Variants in PKHD1 observed in about 807,000 individuals in gnomAD.
PKHD1 encodes the protein fibrocystin.
In PKHD1, 291 loss-of-function variants were observed where a neutral mutation model predicts 412.0. The ratio of observed to expected loss-of-function variants is 0.71; its 90% CI spans 0.64 to 0.78. PKHD1 has a LOEUF of 0.78. Ranked by LOEUF, PKHD1 falls within the 30% of genes least tolerant of loss-of-function variation. The pLI is 0.00. For synonymous variants in PKHD1, 1,777 were observed against 1,821.5 expected (o/e 0.98, Z 0.62); for missense variants, 4,825 against 4,950.7 (o/e 0.97, Z 0.76).
Position 52,025,231 on chromosome 6 carries a change from T to C in PKHD1, c.4579A>G (p.Asn1527Asp). ...TGGCTTGCATTAAAAAAAGTTACAT[T>C]GCAAGGAAGTTGATCATCCACAAAT... Reference protein sequence around the residue: ...MVFVDDQLPCNVTFFNASHVV... With the variant: ...MVFVDDQLPCDVTFFNASHVV... Residue 1527 changes from asparagine to aspartate, a missense_variant, in exon 32 of 67, where the codon AAT becomes GAT. By Grantham distance (23) the Asn-to-Asp change is conservative. Coordinates refer to ENST00000371117, the MANE Select transcript of PKHD1 (RefSeq NM_138694.4). 1 of 1,614,136 alleles carries C rather than the reference T, an allele frequency of 6.2e-7. No homozygotes were observed. The highest frequency in any genetic ancestry group is 1.1e-5 in the South Asian group (1 of 91,082).
At chr6:51,790,723 T>A (rs902377932) in intron 53 of PKHD1, among the ~76,000 whole-genome samples, 3 of 152,200 alleles carry the variant, frequency 2.0e-5, no homozygotes, top group Non-Finnish European at 4.4e-5. Flanking sequence ...CCTTTCCTCC[T>A]CACTTTTCTT....
intron 60 of PKHD1, among the ~76,000 whole-genome samples, chr6:51,688,213 A>G (rs534999445): frequency 5.9e-5 from 9 of 152,350 alleles, no homozygotes; most frequent in Non-Finnish European, 1.3e-4. Context: ...CACAGAATGA[A>G]TCAGTACTTG....
chr6:51,900,587 T>A (rs568374321), intron 43 of PKHD1, among the ~76,000 whole-genome samples: 1 of 152,050 alleles, frequency 6.6e-6, no homozygotes, highest in Non-Finnish European at 1.5e-5. Context: ...AACCTAGGCA[T>A]TACCATTCAG....
intron 36 of PKHD1, among the ~76,000 whole-genome samples, chr6:51,936,549 GA>G (rs1426110600): frequency 2.0e-5 from 3 of 151,852 alleles, no homozygotes; most frequent in Non-Finnish European, 4.4e-5. Flanking sequence ...AGGGAGAGAG[GA>G]AAAAGGCAAA....
intron 52 of PKHD1, among the ~76,000 whole-genome samples, chr6:51,796,089 C>A (rs1235222249): frequency 6.6e-6 from 1 of 152,152 alleles, no homozygotes; most frequent in African/African-American, 2.4e-5. Flanking sequence ...ATAGTACCAG[C>A]TCTTCCTTGT....
chr6:51,856,667 T>A (rs1434692167), intron 48 of PKHD1, among the ~76,000 whole-genome samples: 1 of 152,222 alleles, frequency 6.6e-6, no homozygotes, highest in African/African-American at 2.4e-5. Flanking sequence ...GGCTTCAGCA[T>A]CCTTCTCTAG....
intron 60 of PKHD1, among the ~76,000 whole-genome samples, chr6:51,734,754 G>C (rs1440947679): frequency 6.6e-6 from 1 of 152,056 alleles, no homozygotes. Flanking sequence ...AGTTTCACTT[G>C]ATTTTGATTT....
intron 36 of PKHD1, among the ~76,000 whole-genome samples, chr6:51,936,871 T>G (rs1175501361): frequency 2.0e-5 from 3 of 152,168 alleles, no homozygotes; most frequent in Admixed American, 6.5e-5. Context: ...TGAAAGAAAC[T>G]GAAGTATTTT....
At chr6:51,810,791 C>G (rs1172603583) in intron 52 of PKHD1, among the ~76,000 whole-genome samples, 1 of 152,108 alleles carries the variant, frequency 6.6e-6, no homozygotes, top group Non-Finnish European at 1.5e-5. Context: ...GACAATAAAA[C>G]TTATTTAGTC....
rs2150329651 is a variant in PKHD1, at chr6:51,638,958, T to C, written c.11399-2A>G. 6.3e-7 allele frequency: 1 copy of C among 1,588,886 alleles called. No homozygotes were observed. Among genetic ancestry groups the C allele is most frequent in the Admixed American group, 1.7e-5 (1 of 59,952 alleles). On this transcript the variant is annotated splice_acceptor_variant, in intron 63 of 66. Transcript: ENST00000371117. LOFTEE classifies it high-confidence loss of function. ...CTTGAGTTTCTGCCTGGGTGCACCC[T>C]ACAAAAAAGTACAAAACAAAAATTA...
intron 61 of PKHD1, among the ~76,000 whole-genome samples, chr6:51,654,922 G>A (rs2150391982): frequency 6.6e-6 from 1 of 152,146 alleles, no homozygotes; most frequent in Non-Finnish European, 1.5e-5. Flanking sequence ...TAACGATTAA[G>A]AGTTGAAGAC....
chr6:52,071,198 G>A (rs1582095736), intron 8 of PKHD1, 128 bp from the exon 9 acceptor site: 1 of 729,606 alleles, frequency 1.4e-6, no homozygotes, highest in South Asian at 1.5e-5. Flanking sequence ...GACAGAGAAA[G>A]TATAATGAGT....
chr6:51,903,431 A>G (rs1350625618), intron 43 of PKHD1, among the ~76,000 whole-genome samples, 166 bp downstream of exon 43: 1 of 152,088 alleles, frequency 6.6e-6, no homozygotes, highest in Non-Finnish European at 1.5e-5. Context: ...TTTTCAGCTC[A>G]TCAGCTGTCA....
chr6:51,758,841 T>TA (rs1279643920), intron 55 of PKHD1, among the ~76,000 whole-genome samples: 1 of 152,166 alleles, frequency 6.6e-6, no homozygotes, highest in Admixed American at 6.6e-5. Flanking sequence ...ACAGAGAATT[T>TA]AAAAATGCTT....
chr6:51,892,071 T>G (rs528477927), intron 43 of PKHD1, among the ~76,000 whole-genome samples: 1 of 152,344 alleles, frequency 6.6e-6, no homozygotes, highest in African/African-American at 2.4e-5. Flanking sequence ...CAGCCATTTC[T>G]TCCTCATTTT....
chr6:51,866,446 G>A (rs1263118862), intron 48 of PKHD1, among the ~76,000 whole-genome samples: 1 of 152,120 alleles, frequency 6.6e-6, no homozygotes, highest in Non-Finnish European at 1.5e-5. Context: ...CAAGTGGTGG[G>A]ATCATGACCT....
At chr6:51,944,602 A>G (rs1040174564) in intron 36 of PKHD1, among the ~76,000 whole-genome samples, 8 of 152,026 alleles carry the variant, frequency 5.3e-5, no homozygotes, top group African/African-American at 1.9e-4. Flanking sequence ...TCCCCAACAA[A>G]TCAATATTCC....
chr6:51,802,814 G>A (rs1347290415), intron 52 of PKHD1, among the ~76,000 whole-genome samples: 1 of 150,822 alleles, frequency 6.6e-6, no homozygotes, highest in Non-Finnish European at 1.5e-5. Context: ...CTTGACACTA[G>A]ACAGGGCAAT....
intron 61 of PKHD1, among the ~76,000 whole-genome samples, chr6:51,656,342 C>T (rs546738382): frequency 1.8e-4 from 27 of 152,108 alleles, no homozygotes; most frequent in Non-Finnish European, 2.9e-4. Context: ...GGCCTGTTGA[C>T]GGGTGGGGAG....
Sources: allele counts gnomAD v4.1 joint callset (sites outside exome capture counted in the v4.1 genomes callset), GRCh38; gene constraint gnomAD v4.1.1; transcripts MANE v1.5; gene names NCBI Gene and HGNC (gene_info 2026-07-23, HGNC 2026-07-21).